The following DNAJC15 variants were observed in gnomAD, a reference collection of about 807,000 sequenced individuals.
DNAJC15 encodes dnaJ homolog subfamily C member 15.
A neutral mutation model predicts 22.4 loss-of-function variants in DNAJC15; 27 were observed. That is an observed-to-expected ratio of 1.20 (90% confidence interval 0.89 to 1.66). DNAJC15 has a LOEUF of 1.66. DNAJC15 is among the 40% of genes most tolerant of loss of function. The pLI, the probability that DNAJC15 is intolerant of heterozygous loss-of-function variation, is 0.00. For synonymous variants in DNAJC15, 79 were observed against 63.2 expected (o/e 1.25, Z -1.19); for missense variants, 208 against 187.1 (o/e 1.11, Z -0.65).
At chr13:43,044,081 C>G (rs2040465644) in intron 1 of DNAJC15, among the ~76,000 whole-genome samples, 1 of 152,162 alleles carries the variant, frequency 6.6e-6, no homozygotes, top group Non-Finnish European at 1.5e-5. Flanking sequence ...TATAATACCT[C>G]TTTTACCCAA....
intron 1 of DNAJC15, among the ~76,000 whole-genome samples, chr13:43,048,520 A>AATACCCTTGTCCCATATCAC: frequency 6.6e-6 from 1 of 152,316 alleles, no homozygotes; most frequent in East Asian, 1.9e-4. Flanking sequence ...AAAAAGCTTA[A>AATACCCTTGTCCCATATCAC]ATACCCTTGT....
At chr13:43,041,797 A>T (rs560418993) in intron 1 of DNAJC15, among the ~76,000 whole-genome samples, 2 of 152,250 alleles carry the variant, frequency 1.3e-5, no homozygotes, top group Non-Finnish European at 2.9e-5. Context: ...ACATCCATGC[A>T]GTCAATTAAC....
chr13:43,091,275 A>G (rs1032281484), intron 5 of DNAJC15, among the ~76,000 whole-genome samples: 2 of 152,002 alleles, frequency 1.3e-5, no homozygotes, highest in African/African-American at 2.4e-5. Flanking sequence ...CTTAGTAGAG[A>G]TGGTGTTTCA....
At chr13:43,024,670 T>TA (rs2040371373) in intron 1 of DNAJC15, among the ~76,000 whole-genome samples, 1 of 152,008 alleles carries the variant, frequency 6.6e-6, no homozygotes, top group South Asian at 2.1e-4. Context: ...GTAGCCATAT[T>TA]AAACAACTGA....
rs2040824806 is a variant in DNAJC15 at position 43,111,561 on chromosome 13, TGGG to T, written c.*4314_*4316del. On this transcript the variant is annotated 3_prime_UTR_variant, in exon 6 of 6. Transcript: ENST00000379221. ...GCTTAATATGGTTTAATACCATTTGTGGGAGAAGATGAATCAGCCAGGCTCTTT... is the reference window on the plus strand; with the variant it reads ...GCTTAATATGGTTTAATACCATTTGTAGAAGATGAATCAGCCAGGCTCTTT... 6.6e-6 allele frequency: 1 copy of T among 152,200 alleles called. No individual in the cohort carries two copies. The highest frequency in any genetic ancestry group is 2.4e-5 in the African/African-American group (1 of 41,448). 9.4% of individuals were successfully genotyped at this position (152,200 alleles called of 1,614,324 possible).
intron 5 of DNAJC15, among the ~76,000 whole-genome samples, chr13:43,105,416 A>G (rs2040791643): frequency 6.6e-6 from 1 of 152,230 alleles, no homozygotes; most frequent in Admixed American, 6.5e-5. Flanking sequence ...TTTTGGACTG[A>G]GGAACTTTTC....
At chr13:43,094,663 G>C (rs993350140) in intron 5 of DNAJC15, among the ~76,000 whole-genome samples, 3 of 152,040 alleles carry the variant, frequency 2.0e-5, no homozygotes, top group African/African-American at 4.8e-5. Context: ...TTCAGAATTT[G>C]GTATATACTT....
At chr13:43,065,795 A>G (rs1037803085) in intron 2 of DNAJC15, 58 bp downstream of exon 2, 3 of 1,501,980 alleles carry the variant, frequency 2.0e-6, no homozygotes, top group African/African-American at 1.4e-5. Flanking sequence ...AATAGCATCT[A>G]CAGTGATTCA....
chr13:43,084,388 G>A (rs1408102497), intron 4 of DNAJC15, among the ~76,000 whole-genome samples: 1 of 151,968 alleles, frequency 6.6e-6, no homozygotes, highest in Admixed American at 6.6e-5. Flanking sequence ...TGTATGCTAC[G>A]TATGAGAAAA....
At chr13:43,051,823 G>A (rs1189414026) in intron 1 of DNAJC15, among the ~76,000 whole-genome samples, 1 of 152,122 alleles carries the variant, frequency 6.6e-6, no homozygotes, top group Non-Finnish European at 1.5e-5. Flanking sequence ...GGGATTGCTG[G>A]ATCAAACAGC....
intron 3 of DNAJC15, among the ~76,000 whole-genome samples, chr13:43,071,448 ATCT>A (rs776098632): frequency 9.9e-5 from 15 of 151,986 alleles, no homozygotes; most frequent in Non-Finnish European, 1.8e-4. Flanking sequence ...GCAGTAAAAC[ATCT>A]TAGAATATCT....
At chr13:43,029,363 C>T (rs969237851) in intron 1 of DNAJC15, among the ~76,000 whole-genome samples, 2 of 152,180 alleles carry the variant, frequency 1.3e-5, no homozygotes, top group African/African-American at 4.8e-5. Flanking sequence ...CTTCATTTCC[C>T]TCTGGTACAA....
At chr13:43,059,431 C>T (rs746931434) in intron 1 of DNAJC15, among the ~76,000 whole-genome samples, 2 of 151,956 alleles carry the variant, frequency 1.3e-5, no homozygotes, top group Non-Finnish European at 2.9e-5. Context: ...TGGAGTGCAA[C>T]GGCGCAATCT....
intron 5 of DNAJC15, among the ~76,000 whole-genome samples, chr13:43,086,742 A>G (rs1049246971): frequency 6.6e-6 from 1 of 152,248 alleles, no homozygotes; most frequent in Non-Finnish European, 1.5e-5. Flanking sequence ...ATTTCTAAAC[A>G]GTTTCAACAG....
intron 1 of DNAJC15, among the ~76,000 whole-genome samples, chr13:43,034,563 C>T (rs1160727652): frequency 2.0e-5 from 3 of 151,970 alleles, no homozygotes; most frequent in Non-Finnish European, 2.9e-5. Context: ...GATCCGCCCG[C>T]CTCGGCCTCC....
At chr13:43,035,144 C>T (rs190890933) in intron 1 of DNAJC15, among the ~76,000 whole-genome samples, 1 of 152,246 alleles carries the variant, frequency 6.6e-6, no homozygotes, top group Admixed American at 6.5e-5. Flanking sequence ...CCTGAAGCTT[C>T]AGTAAAGCGC....
chr13:43,063,217 C>T (rs935625291), intron 1 of DNAJC15, among the ~76,000 whole-genome samples: 1 of 152,206 alleles, frequency 6.6e-6, no homozygotes, highest in African/African-American at 2.4e-5. Context: ...ACCATGTTGG[C>T]AAGGCTGGTC....
In DNAJC15 at chr13:43,097,098, G is replaced by T. The variant is rs190227797; in HGVS notation, c.383-10080G>T. Among the ~76,000 whole-genome samples the T allele has an allele frequency of 1.3e-3, 198 of 152,336 alleles. 1 individual carries two copies. The highest frequency in any genetic ancestry group is 3.1e-3 in the Admixed American group (48 of 15,298). On this transcript the variant is annotated intron_variant, in intron 5 of 5. Transcript: ENST00000379221. ...AAAGGCTGATATAAAAAATGCCCAT[G>T]ATGTCATGGATCATAAGTGCTTTGA...
rs200686803 is a variant in DNAJC15 at position 43,077,799 on chromosome 13, A to G, written c.235-813A>G. ...TTCTTTTTCTCATATCCCAAATTCA[A>G]TCCATCAAGGAAATGTTAGTTCTGT... On this transcript the variant is annotated intron_variant, in intron 3 of 5. Coordinates refer to ENST00000379221, the MANE Select transcript of DNAJC15 (RefSeq NM_013238.3). 9.2e-5 allele frequency among the ~76,000 whole-genome samples: 14 copies of G among 152,178 alleles called. No individual in the cohort carries two copies. In the East Asian group the frequency reaches 1.7e-3, roughly 19 times the overall value.
Sources: gnomAD v4.1 joint callset for allele counts (sites outside exome capture counted in the v4.1 genomes callset) on GRCh38, gnomAD v4.1.1 for gene constraint, MANE v1.5 for transcripts, NCBI Gene and HGNC (gene_info 2026-07-23, HGNC 2026-07-21) for gene names.